Variants in FAM135B observed in about 807,000 individuals in gnomAD.
FAM135B encodes the protein family with sequence similarity 135 member B.
A neutral mutation model predicts 127.7 loss-of-function variants in FAM135B; 43 were observed. The observed-to-expected ratio is 0.34, with a 90% CI of 0.26 to 0.43. The LOEUF (loss-of-function observed/expected upper bound fraction) is 0.43, where lower values mean the gene tolerates loss of function less well. Ranked by LOEUF, FAM135B falls within the 20% of genes least tolerant of loss-of-function variation. The pLI is 1.00. For missense variants in FAM135B, 1,558 were observed against 1,725.6 expected (o/e 0.90, Z 1.72); for synonymous variants, 670 against 665.1 (o/e 1.01, Z -0.11).
intron 4 of FAM135B, among the ~76,000 whole-genome samples, chr8:138,258,003 C>A (rs1011712495): frequency 3.8e-4 from 58 of 152,114 alleles, no homozygotes; most frequent in African/African-American, 1.3e-3. Flanking sequence ...TCCCGTCTAC[C>A]ACCATTCACA....
At chr8:138,337,363 TG>T (rs925395073) in intron 2 of FAM135B, among the ~76,000 whole-genome samples, 35 of 151,974 alleles carry the variant, frequency 2.3e-4, no homozygotes, top group Non-Finnish European at 2.9e-5. Flanking sequence ...AAAACCCCAC[TG>T]TCTCAGCCCA....
intron 3 of FAM135B, among the ~76,000 whole-genome samples, chr8:138,288,529 T>A (rs1824868694): frequency 6.6e-6 from 1 of 151,996 alleles, no homozygotes. Context: ...CAGGGAATGA[T>A]CATGCCAAGG....
rs1210205991 is a variant in FAM135B, at chr8:138,243,411, G to T, written c.543-343C>A. Among the ~76,000 whole-genome samples, 1 of 152,158 alleles carries T rather than the reference G, an allele frequency of 6.6e-6. No individual in the cohort carries two copies. The highest frequency in any genetic ancestry group is 1.5e-5 in the Non-Finnish European group (1 of 68,028). On this transcript the variant is annotated intron_variant, in intron 6 of 19. Transcript: ENST00000395297. The surrounding 1 kb of genome is among the most constrained non-coding windows in gnomAD (Gnocchi z 7.5). ...GGTGGCATGGGCTCCGAAAATTTCA[G>T]GGGCAACTCTGACCAGACAAGGTCT...
chr8:138,287,776 T>A (rs987392826), intron 3 of FAM135B, among the ~76,000 whole-genome samples: 13 of 152,342 alleles, frequency 8.5e-5, no homozygotes, highest in African/African-American at 3.1e-4. Context: ...TAACACAAGC[T>A]GGCTGCAAGA....
At chr8:138,273,722 G>A (rs1393787448) in intron 3 of FAM135B, among the ~76,000 whole-genome samples, 6 of 152,040 alleles carry the variant, frequency 3.9e-5, no homozygotes, top group East Asian at 1.9e-4. Flanking sequence ...TGCCCACCTC[G>A]CCTGTTCTTC....
At chr8:138,150,887 A>C (rs3887675) in intron 13 of FAM135B, among the ~76,000 whole-genome samples, 123,700 of 151,868 alleles carry the variant, frequency 0.81, 50,729 homozygotes, top group East Asian at 1. Flanking sequence ...AGAATGGTCT[A>C]ATTTTTGTAT....
Position 138,241,954 on chromosome 8 carries a change from A to G in FAM135B, c.669+988T>C, listed in dbSNP as rs1820819162. Among the ~76,000 whole-genome samples the G allele has an allele frequency of 6.6e-6, 1 of 152,028 alleles. No homozygotes were observed. The highest frequency in any genetic ancestry group is 1.5e-5 in the Non-Finnish European group (1 of 68,008). Reference sequence around the variant, plus strand: ...TGAGAGAAAACTGTCTCTCTTATTTATTGTCTTTGATCTGGGACATCAGTT... The same window carrying G: ...TGAGAGAAAACTGTCTCTCTTATTTGTTGTCTTTGATCTGGGACATCAGTT... On this transcript the variant is annotated intron_variant, in intron 7 of 19. Coordinates refer to ENST00000395297, the MANE Select transcript of FAM135B (RefSeq NM_015912.4). This position sits in a 1 kb window ranked among gnomAD's most constrained non-coding sequence, Gnocchi z 4.8.
chr8:138,368,864 T>A (rs79453199), intron 1 of FAM135B, among the ~76,000 whole-genome samples: 4,813 of 152,246 alleles, frequency 0.032, 212 homozygotes, highest in African/African-American at 0.1. Context: ...AGGAATGTGA[T>A]GAAAGGGAAA....
chr8:138,302,679 C>T (rs77715816), intron 3 of FAM135B, among the ~76,000 whole-genome samples: 2,648 of 152,280 alleles, frequency 0.017, 73 homozygotes, highest in African/African-American at 0.059. Context: ...GCCAAGGAGG[C>T]CCTCCTGAGC....
chr8:138,443,688 C>T (rs1280347885), intron 1 of FAM135B, among the ~76,000 whole-genome samples: 3 of 152,270 alleles, frequency 2.0e-5, no homozygotes, highest in South Asian at 4.1e-4. Context: ...GTGTATGGAA[C>T]CCTCCTGTTG....
intron 2 of FAM135B, among the ~76,000 whole-genome samples, chr8:138,328,702 T>C (rs1827972850): frequency 6.6e-6 from 1 of 152,208 alleles, no homozygotes; most frequent in Admixed American, 6.5e-5. Flanking sequence ...GGGAATCAAC[T>C]GTGAAATCAA....
intron 9 of FAM135B, among the ~76,000 whole-genome samples, chr8:138,186,566 G>A (rs529654353): frequency 7.9e-5 from 12 of 152,114 alleles, no homozygotes; most frequent in African/African-American, 2.4e-4. Context: ...TGCAATGACC[G>A]GCCAATTCTT....
chr8:138,343,935 T>C (rs943002363), intron 2 of FAM135B, among the ~76,000 whole-genome samples: 10 of 152,158 alleles, frequency 6.6e-5, no homozygotes, highest in Non-Finnish European at 2.9e-5. Flanking sequence ...TTCCAGATCA[T>C]TGCTGCCTGA....
At chr8:138,435,506 G>T (rs1328385337) in intron 1 of FAM135B, among the ~76,000 whole-genome samples, 1 of 152,038 alleles carries the variant, frequency 6.6e-6, no homozygotes, top group African/African-American at 2.4e-5. Context: ...GTATTTAAAT[G>T]CAATAAGACT....
Position 138,453,826 on chromosome 8 carries a change from C to A in FAM135B, c.-20+42845G>T, listed in dbSNP as rs374379083. Among the ~76,000 whole-genome samples, 6 of 152,252 alleles carry A rather than the reference C, an allele frequency of 3.9e-5. No homozygotes were observed. The East Asian group carries it at 1.2e-3, about 29-fold the overall frequency. On this transcript the variant is annotated intron_variant, in intron 1 of 19. Coordinates refer to ENST00000395297, the MANE Select transcript of FAM135B (RefSeq NM_015912.4). ...TACTTAAACTTGATGGGCCTCAGTA[C>A]CTGCATAGTGAAGATAATAATAGTA...
intron 1 of FAM135B, among the ~76,000 whole-genome samples, chr8:138,396,098 T>A (rs1563966299): frequency 6.6e-6 from 1 of 152,168 alleles, no homozygotes; most frequent in Non-Finnish European, 1.5e-5. Flanking sequence ...CATCTTTTCT[T>A]CCTGGAAAGA....
intron 2 of FAM135B, among the ~76,000 whole-genome samples, chr8:138,337,870 T>A (rs1320786087): frequency 1.3e-5 from 2 of 152,152 alleles, no homozygotes; most frequent in Non-Finnish European, 2.9e-5. Flanking sequence ...ACTGCAAGGC[T>A]ACAGTAACCA....
At position 138,151,877 on chromosome 8, in the gene FAM135B, C is replaced by A. The variant is rs2130746643; in HGVS notation, c.2598G>T (p.Arg866Ser). 1 of 1,614,022 alleles carries A rather than the reference C, an allele frequency of 6.2e-7. No homozygotes were observed. Among genetic ancestry groups the A allele is most frequent in the Non-Finnish European group, 8.5e-7 (1 of 1,179,896 alleles). The part of the protein sequence containing the change: ...DAQGHCLPDG[R>S]TENTPGVETK... ...TTTCAACACCTGGAGTGTTCTCAGT[C>A]CTGCCATCAGGAAGACAGTGTCCTT... Residue 866 changes from arginine (R) to serine (S), a missense_variant, in exon 13 of 20, where the codon AGG becomes AGT. Transcript: ENST00000395297.
At chr8:138,157,798 A>C (rs1818919141) in intron 12 of FAM135B, among the ~76,000 whole-genome samples, 1 of 152,236 alleles carries the variant, frequency 6.6e-6, no homozygotes, top group African/African-American at 2.4e-5. Context: ...GAAATAAAAG[A>C]GGACATAAAC....
Sources: allele counts gnomAD v4.1 joint callset (sites outside exome capture counted in the v4.1 genomes callset), GRCh38; gene constraint gnomAD v4.1.1; non-coding constraint Gnocchi (gnomAD v3.1); transcripts MANE v1.5; gene names NCBI Gene and HGNC (gene_info 2026-07-23, HGNC 2026-07-21).